Variants in HDAC9 observed in about 807,000 individuals in gnomAD.
HDAC9 encodes the protein histone deacetylase 9.
HDAC9 carries 41 observed loss-of-function variants against 139.4 expected under a neutral mutation model. That is an observed-to-expected ratio of 0.29 (90% CI 0.23 to 0.38). The LOEUF (loss-of-function observed/expected upper bound fraction) is 0.38. Ranked by LOEUF, HDAC9 falls within the 10% of genes least tolerant of loss-of-function variation. The pLI is 1.00. For synonymous variants in HDAC9, 517 were observed against 476.2 expected (o/e 1.09, Z -1.12); for missense variants, 1,147 against 1,297.0 (o/e 0.88, Z 1.78).
At position 18,647,974 on chromosome 7, in the gene HDAC9, C is replaced by T. The variant is rs1363669424; in HGVS notation, c.1225C>T (p.Arg409Ter). The T allele has an allele frequency of 1.2e-6, 2 of 1,610,432 alleles. No individual in the cohort carries two copies. The highest frequency in any genetic ancestry group is 8.5e-7 in the Non-Finnish European group (1 of 1,178,258). The change falls in exon 10 of 26, where the codon CGA becomes TGA. Residue 409 changes from arginine (R) to a stop codon, truncating the protein, a stop_gained. Coordinates refer to ENST00000686413, the MANE Select transcript of HDAC9 (RefSeq NM_178425.4). LOFTEE classifies it high-confidence loss of function. ...LQHLLLKEQM[R>*]QQKLLVAGGV... Reference sequence around the variant, plus strand: ...GCATTTATTATTGAAAGAACAAATGCGACAGCAAAAGCTTCTTGTAGCTGG... The same window carrying T: ...GCATTTATTATTGAAAGAACAAATGTGACAGCAAAAGCTTCTTGTAGCTGG...
intron 1 of HDAC9, among the ~76,000 whole-genome samples, chr7:18,428,190 G>A (rs1790304651): frequency 6.6e-6 from 1 of 152,030 alleles, no homozygotes; most frequent in South Asian, 2.1e-4. Context: ...GGGATTGCTG[G>A]ATTGTATGAT....
intron 21 of HDAC9, among the ~76,000 whole-genome samples, chr7:18,853,328 C>T (rs1374718428): frequency 6.6e-6 from 1 of 151,624 alleles, no homozygotes; most frequent in Non-Finnish European, 1.5e-5. Flanking sequence ...TGTAGGTGAC[C>T]CTGGGGAGGG....
intron 1 of HDAC9, among the ~76,000 whole-genome samples, chr7:18,469,904 G>A (rs1280691002): frequency 6.6e-6 from 1 of 152,086 alleles, no homozygotes; most frequent in Non-Finnish European, 1.5e-5. Context: ...GTGTTTTCTT[G>A]CATTTAATAA....
chr7:18,360,267 T>C (rs989909989), intron 1 of HDAC9, among the ~76,000 whole-genome samples: 1 of 152,248 alleles, frequency 6.6e-6, no homozygotes, highest in Non-Finnish European at 1.5e-5. Flanking sequence ...GGACTTCCTT[T>C]GTGCCATCAT....
At chr7:18,172,413 T>C (rs552066870) in intron 2 of HDAC9, among the ~76,000 whole-genome samples, 1 of 152,286 alleles carries the variant, frequency 6.6e-6, no homozygotes, top group South Asian at 2.1e-4. Flanking sequence ...CCTGGATTCA[T>C]TGATTTTTTT....
At chr7:18,154,286 G>A (rs1423411631) in intron 1 of HDAC9, among the ~76,000 whole-genome samples, 1 of 151,994 alleles carries the variant, frequency 6.6e-6, no homozygotes, top group East Asian at 1.9e-4. Context: ...TTTCCTTAGA[G>A]TACACATTTG....
chr7:18,697,212 G>A (rs1385194331), intron 12 of HDAC9, among the ~76,000 whole-genome samples: 2 of 152,144 alleles, frequency 1.3e-5, no homozygotes, highest in Admixed American at 1.3e-4. Context: ...ATCACATCCT[G>A]GCAGATGAGA....
chr7:18,657,332 G>A (rs371671720), intron 11 of HDAC9, among the ~76,000 whole-genome samples: 34 of 152,124 alleles, frequency 2.2e-4, no homozygotes, highest in African/African-American at 8.0e-4. Context: ...TGGGGGAAAT[G>A]GCGATGTTTA....
chr7:18,138,231 T>G (rs1785589667), intron 1 of HDAC9, among the ~76,000 whole-genome samples: 1 of 152,176 alleles, frequency 6.6e-6, no homozygotes, highest in Non-Finnish European at 1.5e-5. Flanking sequence ...GGTCTATCAA[T>G]TTTGTTGATC....
At chr7:18,877,048 C>A (rs1485040925) in intron 22 of HDAC9, among the ~76,000 whole-genome samples, 1 of 152,090 alleles carries the variant, frequency 6.6e-6, no homozygotes, top group East Asian at 1.9e-4. Flanking sequence ...TATTAGTGCC[C>A]ATGACCCTTA....
At chr7:18,190,599 A>C (rs1790277644) in intron 2 of HDAC9, among the ~76,000 whole-genome samples, 1 of 152,230 alleles carries the variant, frequency 6.6e-6, no homozygotes, top group Admixed American at 6.5e-5. Flanking sequence ...TGCAAGAGGA[A>C]AATAATGACC....
At chr7:18,167,134 C>T (rs1322160013) in intron 2 of HDAC9, among the ~76,000 whole-genome samples, 1 of 151,148 alleles carries the variant, frequency 6.6e-6, no homozygotes, top group African/African-American at 2.4e-5. Flanking sequence ...AGAAGTTGAT[C>T]ACAGGGTATG....
At chr7:18,670,617 G>A (rs1456378505) in intron 12 of HDAC9, among the ~76,000 whole-genome samples, 2 of 152,040 alleles carry the variant, frequency 1.3e-5, no homozygotes, top group African/African-American at 2.4e-5. Context: ...CTGCAAAAGA[G>A]AAATTAAAGA....
At chr7:18,355,527 T>C (rs890009201) in intron 1 of HDAC9, among the ~76,000 whole-genome samples, 1 of 152,178 alleles carries the variant, frequency 6.6e-6, no homozygotes, top group African/African-American at 2.4e-5. Flanking sequence ...ATGAATCCTT[T>C]ATAAAACCTT....
At chr7:18,171,367 A>C (rs921467028) in intron 2 of HDAC9, among the ~76,000 whole-genome samples, 1 of 152,116 alleles carries the variant, frequency 6.6e-6, no homozygotes, top group Non-Finnish European at 1.5e-5. Context: ...GGGTTTTCTA[A>C]ATATACAATC....
chr7:18,091,547 C>T (rs1432508719), intron 1 of HDAC9, among the ~76,000 whole-genome samples: 1 of 152,180 alleles, frequency 6.6e-6, no homozygotes, highest in Non-Finnish European at 1.5e-5. Context: ...TTAATATAAG[C>T]ATCAAATAAA....
At chr7:18,438,636 C>CTGTGTGCG in intron 1 of HDAC9, among the ~76,000 whole-genome samples, 1 of 94,412 alleles carries the variant, frequency 1.1e-5, no homozygotes, top group African/African-American at 4.0e-5. Flanking sequence ...CAGTGATATG[C>CTGTGTGCG]TGTGTGTGCG....
intron 17 of HDAC9, among the ~76,000 whole-genome samples, chr7:18,825,776 T>C (rs545536944): frequency 1.3e-5 from 2 of 148,250 alleles, no homozygotes; most frequent in South Asian, 2.1e-4. Flanking sequence ...TATATAGATA[T>C]ATAAAACCTT....
At chr7:18,621,081 G>T (rs1359356455) in intron 6 of HDAC9, among the ~76,000 whole-genome samples, 1 of 151,992 alleles carries the variant, frequency 6.6e-6, no homozygotes, top group Non-Finnish European at 1.5e-5. Flanking sequence ...ATAATATATA[G>T]TATATCCTCA....
Sources: allele counts gnomAD v4.1 joint callset (sites outside exome capture counted in the v4.1 genomes callset), GRCh38; gene constraint gnomAD v4.1.1; transcripts MANE v1.5; gene names NCBI Gene and HGNC (gene_info 2026-07-23, HGNC 2026-07-21).